VWA8: variants seen among roughly 807,000 people sequenced by gnomAD.
The protein encoded by VWA8 is von Willebrand factor A domain-containing protein 8.
VWA8 carries 221 observed loss-of-function variants against 241.5 expected under a neutral mutation model. The observed-to-expected ratio is 0.91, with a 90% CI of 0.82 to 1.02. The LOEUF is 1.02. Among genes scored for constraint, VWA8 ranks in the 50% least tolerant of loss-of-function variants. The pLI, the probability that VWA8 is intolerant of heterozygous loss-of-function variation, is 0.00. For synonymous variants in VWA8, 852 were observed against 827.1 expected, an observed-to-expected ratio of 1.03 and a Z score of -0.52; for missense variants, 2,322 against 2,328.7, an observed-to-expected ratio of 1.00 and a Z score of 0.06.
chr13:41,602,433 T>C (rs1167681725), intron 40 of VWA8, among the ~76,000 whole-genome samples: 1 of 152,072 alleles, frequency 6.6e-6, no homozygotes, highest in Non-Finnish European at 1.5e-5. Flanking sequence ...TGGTCTCTCA[T>C]TTATAAAGCG....
chr13:41,882,418 C>A (rs1874276639), intron 9 of VWA8, among the ~76,000 whole-genome samples: 4 of 152,190 alleles, frequency 2.6e-5, no homozygotes, highest in Admixed American at 2.6e-4. Context: ...CAGGCAGAGG[C>A]TGCAATCTCG....
At chr13:41,887,482 A>C in intron 5 of VWA8, 121 bp from the exon 6 acceptor site, 2 of 1,099,060 alleles carry the variant, frequency 1.8e-6, no homozygotes, top group Non-Finnish European at 2.5e-6. Context: ...GAACACTCTC[A>C]AATCCATACT....
intron 17 of VWA8, among the ~76,000 whole-genome samples, chr13:41,807,015 C>CT (rs1870242354): frequency 1.3e-5 from 2 of 152,068 alleles, no homozygotes. Flanking sequence ...GACGTTAGAA[C>CT]TGTTACCACA....
intron 12 of VWA8, among the ~76,000 whole-genome samples, chr13:41,840,766 A>T (rs565068252): frequency 1.3e-5 from 2 of 152,218 alleles, no homozygotes; most frequent in Admixed American, 6.5e-5. Context: ...CAAAAAAAAA[A>T]AAAAGGTACA....
At chr13:41,891,690 G>C (rs1874855853) in intron 4 of VWA8, 103 bp from the exon 5 acceptor site, 1 of 1,235,842 alleles carries the variant, frequency 8.1e-7, no homozygotes, top group East Asian at 2.5e-5. Context: ...TTGTTATAGG[G>C]ACCAGAAATC....
intron 12 of VWA8, among the ~76,000 whole-genome samples, chr13:41,848,856 T>C (rs1268135086): frequency 6.6e-5 from 10 of 152,164 alleles, no homozygotes; most frequent in Non-Finnish European, 1.2e-4. Context: ...TGGGAGAGCT[T>C]AAGGGAGCTA....
intron 42 of VWA8, among the ~76,000 whole-genome samples, chr13:41,577,745 G>A (rs573959388): frequency 6.6e-6 from 1 of 152,340 alleles, no homozygotes. Flanking sequence ...TCAGTTCCCT[G>A]ACACGGAACT....
chr13:41,904,942 C>T lies in VWA8; in HGVS notation c.483+2644G>A, dbSNP rs74053348. 2.6e-3 allele frequency among the ~76,000 whole-genome samples: 391 copies of T among 152,036 alleles called. 1 individual carries two copies. The highest frequency in any genetic ancestry group is 8.6e-3 in the African/African-American group (357 of 41,484). On this transcript the variant is annotated intron_variant, in intron 4 of 44. Coordinates refer to ENST00000379310, the MANE Select transcript of VWA8 (RefSeq NM_015058.2). ...GACTTTCCTGTTACCTTTCTTACCA[C>T]GTGAAAAATGCAGGTTGTTCATTCT...
chr13:41,857,894 C>G (rs1245749173), intron 12 of VWA8, among the ~76,000 whole-genome samples: 1 of 152,134 alleles, frequency 6.6e-6, no homozygotes, highest in Admixed American at 6.5e-5. Flanking sequence ...AGCAGATGGC[C>G]TTCCTCAATA....
chr13:41,741,714 T>G (rs2045571081), intron 21 of VWA8, among the ~76,000 whole-genome samples: 1 of 152,218 alleles, frequency 6.6e-6, no homozygotes, highest in Non-Finnish European at 1.5e-5. Context: ...ACGAATTATA[T>G]TTATACATTT....
At chr13:41,819,467 C>T (rs1434099218) in intron 14 of VWA8, 81 bp from the exon 15 acceptor site, 12 of 1,397,376 alleles carry the variant, frequency 8.6e-6, no homozygotes, top group South Asian at 2.7e-5. Context: ...GTCTAGGCAA[C>T]GTTAGGGCTA....
intron 2 of VWA8, among the ~76,000 whole-genome samples, chr13:41,941,207 C>T (rs903373510): frequency 7.9e-5 from 12 of 152,110 alleles, no homozygotes; most frequent in Admixed American, 1.3e-4. Context: ...ATTATTGCTA[C>T]GATCTATTAA....
At chr13:41,939,197 A>T (rs1380037214) in intron 2 of VWA8, among the ~76,000 whole-genome samples, 1 of 152,206 alleles carries the variant, frequency 6.6e-6, no homozygotes, top group African/African-American at 2.4e-5. Flanking sequence ...GGTCAGGTTG[A>T]AAGTTATCTA....
At chr13:41,744,843 T>G (rs2045592479) in intron 21 of VWA8, among the ~76,000 whole-genome samples, 1 of 151,810 alleles carries the variant, frequency 6.6e-6, no homozygotes, top group Non-Finnish European at 1.5e-5. Context: ...ATTTATTTAT[T>G]TATTTATTTT....
chr13:41,619,399 A>G (rs1409421254), intron 37 of VWA8, among the ~76,000 whole-genome samples: 1 of 152,198 alleles, frequency 6.6e-6, no homozygotes, highest in African/African-American at 2.4e-5. Context: ...TAAATGTACA[A>G]TCATGTCATC....
At chr13:41,797,329 C>A (rs1164948597) in intron 17 of VWA8, among the ~76,000 whole-genome samples, 3 of 152,056 alleles carry the variant, frequency 2.0e-5, no homozygotes, top group Non-Finnish European at 4.4e-5. Context: ...CATAAGCCAC[C>A]ACACCTGGAC....
At chr13:41,757,666 C>T (rs980965982) in intron 21 of VWA8, among the ~76,000 whole-genome samples, 2 of 151,602 alleles carry the variant, frequency 1.3e-5, no homozygotes, top group African/African-American at 2.4e-5. Flanking sequence ...CAATGTTTAG[C>T]TCCCACTTAT....
Position 41,620,406 on chromosome 13 carries a change from T to C in VWA8, c.4612-5322A>G, listed in dbSNP as rs560004166. Among the ~76,000 whole-genome samples, 8 of 152,042 alleles carry C rather than the reference T, an allele frequency of 5.3e-5. No individual in the cohort carries two copies. In the South Asian group the frequency reaches 1.7e-3, roughly 31 times the overall value. The stretch of plus-strand genomic sequence containing the variant: ...CAGCGGTCTATCTATTCTGTTGATC[T>C]TTTCAAAAAACCAGCTCCTGGATTC... On this transcript the variant is annotated intron_variant, in intron 37 of 44. Coordinates refer to ENST00000379310, the MANE Select transcript of VWA8 (RefSeq NM_015058.2).
Position 41,711,701 on chromosome 13 carries a change from C to T in VWA8, c.3116+7890G>A, listed in dbSNP as rs543575766. On this transcript the variant is annotated intron_variant, in intron 26 of 44. Transcript: ENST00000379310. Reference sequence around the variant, plus strand: ...CATCCTAGCTAACACGGTGAAACCCCGTCTCTACTAAAAATACAAAAAATT... The same window carrying T: ...CATCCTAGCTAACACGGTGAAACCCTGTCTCTACTAAAAATACAAAAAATT... Among the ~76,000 whole-genome samples, 17 of 152,052 alleles carry T rather than the reference C, an allele frequency of 1.1e-4. No homozygotes were observed. The South Asian group carries it at 2.3e-3, about 20-fold the overall frequency.
Sources: gnomAD v4.1 joint callset for allele counts (sites outside exome capture counted in the v4.1 genomes callset) on GRCh38, gnomAD v4.1.1 for gene constraint, MANE v1.5 for transcripts, NCBI Gene and HGNC (gene_info 2026-07-23, HGNC 2026-07-21) for gene names.